The following WDR64 variants were observed in gnomAD, a reference collection of about 807,000 sequenced individuals.
The protein encoded by WDR64 is WD repeat domain 64, also known as WD repeat-containing protein 64.
Under a neutral mutation model 139.3 loss-of-function variants are expected in WDR64, and 112 were observed. The ratio of observed to expected loss-of-function variants is 0.80; its 90% CI spans 0.69 to 0.94. The LOEUF is 0.94. Ranked by LOEUF, WDR64 falls within the 40% of genes least tolerant of loss-of-function variation. The probability of loss-of-function intolerance (pLI) is 0.00; values close to 1 mark genes in which losing one functional copy is unlikely to be tolerated. For synonymous variants in WDR64, 444 were observed against 437.7 expected (o/e 1.01, Z -0.18); for missense variants, 1,206 against 1,293.1 (o/e 0.93, Z 1.03).
At chr1:241,797,621 C>T (rs962105379) in intron 27 of WDR64, among the ~76,000 whole-genome samples, 1 of 152,054 alleles carries the variant, frequency 6.6e-6, no homozygotes, top group Non-Finnish European at 1.5e-5. Context: ...AGCTTGTGCA[C>T]TTAATGAGAA....
At chr1:241,660,936 G>A (rs1373079722) in intron 2 of WDR64, among the ~76,000 whole-genome samples, 2 of 152,108 alleles carry the variant, frequency 1.3e-5, no homozygotes, top group Non-Finnish European at 2.9e-5. Context: ...CAACAACCAA[G>A]ATTTTAATGG....
intron 13 of WDR64, among the ~76,000 whole-genome samples, chr1:241,745,193 G>A (rs1053961595): frequency 1.3e-5 from 2 of 152,094 alleles, no homozygotes; most frequent in Non-Finnish European, 2.9e-5. Flanking sequence ...GAGCTACTCT[G>A]AATATATTTA....
intron 10 of WDR64, among the ~76,000 whole-genome samples, chr1:241,732,958 G>A (rs1669147309): frequency 6.6e-6 from 1 of 152,038 alleles, no homozygotes; most frequent in East Asian, 1.9e-4. Context: ...CCCTCACTTC[G>A]GGTACACACA....
At chr1:241,672,141 C>T (rs1398303998) in intron 3 of WDR64, among the ~76,000 whole-genome samples, 2 of 152,176 alleles carry the variant, frequency 1.3e-5, no homozygotes, top group East Asian at 1.9e-4. Flanking sequence ...CACCACTGCA[C>T]TCCAGCCTGG....
intron 9 of WDR64, among the ~76,000 whole-genome samples, chr1:241,714,082 A>T (rs1018727321): frequency 2.0e-5 from 3 of 152,200 alleles, no homozygotes; most frequent in Admixed American, 6.5e-5. Flanking sequence ...CTGGTTGGAG[A>T]TGAATGATGT....
At chr1:241,718,090 C>T (rs1010854082) in intron 9 of WDR64, among the ~76,000 whole-genome samples, 2 of 152,126 alleles carry the variant, frequency 1.3e-5, no homozygotes, top group South Asian at 2.1e-4. Flanking sequence ...AAATATGATT[C>T]GCTCAAAATA....
chr1:241,741,031 T>C (rs1044204340), intron 11 of WDR64, among the ~76,000 whole-genome samples: 1 of 152,256 alleles, frequency 6.6e-6, no homozygotes, highest in African/African-American at 2.4e-5. Context: ...TCTCATTTGT[T>C]ACATTTAATA....
rs184138441 is a variant in WDR64 at position 241,794,698 on chromosome 1, G to A, written c.2998-509G>A. Among the ~76,000 whole-genome samples the A allele has an allele frequency of 4.0e-3, 607 of 151,712 alleles. 1 individual carries two copies. Among genetic ancestry groups the A allele is most frequent in the African/African-American group, 0.014 (586 of 41,384 alleles). On this transcript the variant is annotated intron_variant, in intron 25 of 27. Transcript: ENST00000437684. ...TAATTTTTATATTTTTAGTAGAGAC[G>A]GGGTTTCACCATGTTGGCCAGGATG...
intron 7 of WDR64, among the ~76,000 whole-genome samples, 197 bp downstream of exon 7, chr1:241,683,898 G>A (rs1027441767): frequency 3.3e-5 from 4 of 120,822 alleles, no homozygotes; most frequent in African/African-American, 1.3e-4. Flanking sequence ...CACACACACA[G>A]AGTGAAATGC....
chr1:241,741,318 T>C (rs752308193), intron 11 of WDR64, among the ~76,000 whole-genome samples, 198 bp from the exon 12 acceptor site: 24 of 152,262 alleles, frequency 1.6e-4, no homozygotes, highest in Non-Finnish European at 2.4e-4. Flanking sequence ...TTTCTGTGGC[T>C]GAATCGTATG....
At chr1:241,742,727 C>T (rs946466912) in intron 12 of WDR64, among the ~76,000 whole-genome samples, 3 of 152,174 alleles carry the variant, frequency 2.0e-5, no homozygotes, top group Non-Finnish European at 4.4e-5. Flanking sequence ...TTTCGCTTTA[C>T]TCTGTGGACT....
intron 1 of WDR64, among the ~76,000 whole-genome samples, chr1:241,653,702 C>T (rs1665460406): frequency 6.6e-6 from 1 of 151,936 alleles, no homozygotes; most frequent in Non-Finnish European, 1.5e-5. Flanking sequence ...CACCACCACA[C>T]CCGGCTAATT....
At chr1:241,668,776 G>A (rs1477640688) in intron 2 of WDR64, among the ~76,000 whole-genome samples, 1 of 151,976 alleles carries the variant, frequency 6.6e-6, no homozygotes, top group East Asian at 1.9e-4. Context: ...AGGCATGATG[G>A]CACAGGCCTA....
chr1:241,709,551 C>T (rs900782745), intron 8 of WDR64, among the ~76,000 whole-genome samples: 2 of 152,080 alleles, frequency 1.3e-5, no homozygotes, highest in Non-Finnish European at 2.9e-5. Flanking sequence ...CAGTTTGAGG[C>T]TGCAGTGAGC....
rs1669668534 is a variant in WDR64 at position 241,744,390 on chromosome 1, T to C, written c.1471-3T>C. ...TACTTGATATTTTCGTTCTTTCCCATAGGTATGGGAACTCGAGACTGGGCT... is the reference window on the plus strand; with the variant it reads ...TACTTGATATTTTCGTTCTTTCCCACAGGTATGGGAACTCGAGACTGGGCT... On this transcript the variant is annotated splice_polypyrimidine_tract_variant and splice_region_variant and intron_variant, in intron 12 of 27. Transcript: ENST00000437684. 1.2e-6 allele frequency: 2 copies of C among 1,613,678 alleles called. No homozygotes were observed. Among genetic ancestry groups the C allele is most frequent in the Non-Finnish European group, 1.7e-6 (2 of 1,179,880 alleles).
At chr1:241,779,949 T>G in intron 21 of WDR64, 55 bp from the exon 22 acceptor site, 4 of 1,374,498 alleles carry the variant, frequency 2.9e-6, no homozygotes, top group Non-Finnish European at 4.0e-6. Flanking sequence ...TGGATAGTAT[T>G]GATTTAGATA....
intron 21 of WDR64, among the ~76,000 whole-genome samples, chr1:241,777,668 T>C (rs573399024): frequency 6.6e-6 from 1 of 152,194 alleles, no homozygotes. Flanking sequence ...TCCACCCACC[T>C]CAGCCTCCCA....
At chr1:241,782,539 C>T (rs1455365959) in intron 22 of WDR64, among the ~76,000 whole-genome samples, 1 of 151,914 alleles carries the variant, frequency 6.6e-6, no homozygotes, top group Non-Finnish European at 1.5e-5. Context: ...GGAATATACT[C>T]ACAGGGGGTG....
intron 8 of WDR64, among the ~76,000 whole-genome samples, chr1:241,688,556 T>A (rs1667095744): frequency 6.6e-6 from 1 of 152,188 alleles, no homozygotes; most frequent in Non-Finnish European, 1.5e-5. Context: ...CATTCCATCC[T>A]AACAAGTAAA....
Sources: gnomAD v4.1 joint callset for allele counts (sites outside exome capture counted in the v4.1 genomes callset) on GRCh38, gnomAD v4.1.1 for gene constraint, MANE v1.5 for transcripts, NCBI Gene and HGNC (gene_info 2026-07-23, HGNC 2026-07-21) for gene names.